SRGAP1: variants seen among roughly 807,000 people sequenced by gnomAD.
The protein encoded by SRGAP1 is SLIT-ROBO Rho GTPase-activating protein 1.
SRGAP1 carries 43 observed loss-of-function variants against 121.9 expected under a neutral mutation model. That is an observed-to-expected ratio of 0.35 (90% CI 0.28 to 0.46). The LOEUF (loss-of-function observed/expected upper bound fraction) is 0.46, where lower values mean the gene tolerates loss of function less well. Among genes scored for constraint, SRGAP1 ranks in the 20% least tolerant of loss-of-function variants. SRGAP1 has a pLI of 1.00. For synonymous variants in SRGAP1, 447 were observed against 485.4 expected (o/e 0.92, Z 1.04); for missense variants, 1,102 against 1,350.9 (o/e 0.82, Z 2.89).
chr12:63,903,141 A>G (rs1431873080), intron 1 of SRGAP1, among the ~76,000 whole-genome samples: 1 of 152,128 alleles, frequency 6.6e-6, no homozygotes, highest in Non-Finnish European at 1.5e-5. Context: ...GCACGCTTTC[A>G]AGTAGAGAGA....
chr12:63,909,841 C>T (rs2030408333), intron 1 of SRGAP1, among the ~76,000 whole-genome samples: 1 of 152,270 alleles, frequency 6.6e-6, no homozygotes, highest in Non-Finnish European at 1.5e-5. Context: ...GGCATTGATG[C>T]TGCAGTCTGG....
At chr12:63,896,395 T>C (rs1200400104) in intron 1 of SRGAP1, among the ~76,000 whole-genome samples, 1 of 152,192 alleles carries the variant, frequency 6.6e-6, no homozygotes, top group Non-Finnish European at 1.5e-5. Context: ...TTCTTACCTA[T>C]AGTTGAACAA....
rs1003114044 is a variant in SRGAP1 at position 64,155,054 on chromosome 12, C to CT, written c.*12390dup. On this transcript the variant is annotated 3_prime_UTR_variant, in exon 22 of 22. Transcript: ENST00000355086. ...TATATATTTTTTTCTTTTTCTTTTTCTTTTTTTTGAGACAGAGTCTCACTC... is the reference window on the plus strand; with the variant it reads ...TATATATTTTTTTCTTTTTCTTTTTCTTTTTTTTTGAGACAGAGTCTCACTC... The CT allele has an allele frequency of 5.3e-5, 8 of 151,106 alleles. No individual in the cohort carries two copies. The highest frequency in any genetic ancestry group is 2.1e-4 in the South Asian group (1 of 4,758). 9.4% of individuals were successfully genotyped at this position (151,106 alleles called of 1,614,324 possible). A position where few individuals can be genotyped will look rare whatever the true frequency, so the allele number is the denominator to read the frequency against.
intron 1 of SRGAP1, among the ~76,000 whole-genome samples, chr12:63,911,987 A>G (rs2030522579): frequency 6.6e-6 from 1 of 152,182 alleles, no homozygotes; most frequent in Middle Eastern, 3.2e-3. Context: ...ATGTTGGAGA[A>G]ATAGTGGAGG....
intron 11 of SRGAP1, among the ~76,000 whole-genome samples, chr12:64,088,590 C>T (rs528333111): frequency 2.4e-4 from 36 of 152,310 alleles, no homozygotes; most frequent in Admixed American, 1.0e-3. Context: ...GAATGTTGAA[C>T]GTCCCTGGCT....
Position 64,095,214 on chromosome 12 carries a change from C to T in SRGAP1, c.1678+10C>T, listed in dbSNP as rs768047035. The T allele has an allele frequency of 7.4e-6, 12 of 1,612,064 alleles. No homozygotes were observed. Among genetic ancestry groups the T allele is most frequent in the Admixed American group, 3.3e-5 (2 of 59,920 alleles). On this transcript the variant is annotated intron_variant, in intron 14 of 21. Coordinates refer to ENST00000355086, the MANE Select transcript of SRGAP1 (RefSeq NM_020762.4). ...AATTCATTTGAGAGAGGTAATTGCA[C>T]GTCTATCCCTATAAGCAAACCACGT...
intron 1 of SRGAP1, among the ~76,000 whole-genome samples, chr12:63,925,301 GCAGA>G (rs1733820528): frequency 1.3e-5 from 2 of 152,126 alleles, no homozygotes; most frequent in South Asian, 4.2e-4. Context: ...TCTCATCAGG[GCAGA>G]CAAATGCTAA....
At chr12:64,129,511 A>G (rs1324067625) in intron 21 of SRGAP1, among the ~76,000 whole-genome samples, 1 of 152,176 alleles carries the variant, frequency 6.6e-6, no homozygotes, top group Non-Finnish European at 1.5e-5. Flanking sequence ...ACCCAGGAGT[A>G]ACACTTTGCA....
intron 1 of SRGAP1, among the ~76,000 whole-genome samples, chr12:63,869,579 C>A (rs557098323): frequency 6.6e-6 from 1 of 152,258 alleles, no homozygotes; most frequent in Non-Finnish European, 1.5e-5. Flanking sequence ...CACAAGTCTT[C>A]CATAACTTAA....
At chr12:63,896,794 A>G (rs956779791) in intron 1 of SRGAP1, among the ~76,000 whole-genome samples, 2 of 152,216 alleles carry the variant, frequency 1.3e-5, no homozygotes, top group Non-Finnish European at 2.9e-5. Flanking sequence ...CTTTAAGGCA[A>G]CATTTCCCAG....
intron 3 of SRGAP1, among the ~76,000 whole-genome samples, chr12:64,002,198 A>G (rs1412974071): frequency 3.3e-5 from 5 of 152,146 alleles, no homozygotes; most frequent in African/African-American, 1.2e-4. Context: ...ATGATCCCAA[A>G]TTTTTCATTT....
rs1565681392 is a variant in SRGAP1, at chr12:64,101,307, G to GT, written c.1813+3932_1813+3933insT. On this transcript the variant is annotated intron_variant, in intron 15 of 21. Coordinates refer to ENST00000355086, the MANE Select transcript of SRGAP1 (RefSeq NM_020762.4). Reference sequence around the variant, plus strand: ...GTATTTTTGGATTGTTTGGGGAAAGGGGTGTGTGTGTGTGTGTGTGTGTGT... The same window carrying GT: ...GTATTTTTGGATTGTTTGGGGAAAGGTGGTGTGTGTGTGTGTGTGTGTGTGT... 3.2e-4 allele frequency among the ~76,000 whole-genome samples: 45 copies of GT among 141,842 alleles called. No individual in the cohort carries two copies. In the East Asian group the frequency reaches 8.8e-3, roughly 28 times the overall value. 93.1% of individuals were successfully genotyped at this position (141,842 alleles called of 152,430 possible).
intron 1 of SRGAP1, among the ~76,000 whole-genome samples, chr12:63,868,055 TA>T (rs60109322): frequency 0.071 from 2,465 of 34,532 alleles, 50 homozygotes; most frequent in East Asian, 0.16. Flanking sequence ...TATATATATA[TA>T]TTTTTTTTTT....
rs944113854 is a variant in SRGAP1 at position 63,885,146 on chromosome 12, G to A, written c.67+40263G>A. 4.6e-5 allele frequency among the ~76,000 whole-genome samples: 7 copies of A among 152,058 alleles called. 1 individual carries two copies. The highest frequency in any genetic ancestry group is 1.0e-4 in the Non-Finnish European group (7 of 68,026). ...ACACAGAAGACTTCCGTGACCAAAT[G>A]TGTGAGAGTTTTTCCCCACCAACAA... On this transcript the variant is annotated intron_variant, in intron 1 of 21. Coordinates refer to ENST00000355086, the MANE Select transcript of SRGAP1 (RefSeq NM_020762.4).
Position 64,160,550 on chromosome 12 carries a change from A to G in SRGAP1, c.*17878A>G, listed in dbSNP as rs1172558220. On this transcript the variant is annotated 3_prime_UTR_variant, in exon 22 of 22. Transcript: ENST00000355086. Reference sequence around the variant, plus strand: ...CAATCAAAAGGCAAATATATCTCATATGTCGGAAGATTAATGTATGAATAA... The same window carrying G: ...CAATCAAAAGGCAAATATATCTCATGTGTCGGAAGATTAATGTATGAATAA... The G allele has an allele frequency of 6.6e-6, 1 of 152,172 alleles. No individual in the cohort carries two copies. The highest frequency in any genetic ancestry group is 2.4e-5 in the African/African-American group (1 of 41,434). 9.4% of individuals were successfully genotyped at this position (152,172 alleles called of 1,614,324 possible).
intron 1 of SRGAP1, among the ~76,000 whole-genome samples, chr12:63,960,952 T>C (rs1302691912): frequency 3.3e-5 from 5 of 152,210 alleles, no homozygotes; most frequent in Non-Finnish European, 7.3e-5. Context: ...TCTGGACTTC[T>C]GCACTCCAGA....
chr12:63,858,033 G>A (rs1204055393), intron 1 of SRGAP1, among the ~76,000 whole-genome samples: 1 of 152,108 alleles, frequency 6.6e-6, no homozygotes, highest in Non-Finnish European at 1.5e-5. Context: ...ATCATTAATA[G>A]GTGGTTGAAT....
intron 15 of SRGAP1, among the ~76,000 whole-genome samples, chr12:64,104,670 G>A (rs1007425202): frequency 1.2e-4 from 18 of 152,176 alleles, no homozygotes; most frequent in African/African-American, 2.2e-4. Flanking sequence ...AGTCCTGCTC[G>A]CAGCCATCAC....
intron 11 of SRGAP1, among the ~76,000 whole-genome samples, chr12:64,090,699 G>A (rs2036035226): frequency 6.6e-6 from 1 of 152,134 alleles, no homozygotes; most frequent in East Asian, 1.9e-4. Context: ...AATTAGCTGG[G>A]CATGATGGCA....
Sources: allele counts gnomAD v4.1 joint callset (sites outside exome capture counted in the v4.1 genomes callset), GRCh38; gene constraint gnomAD v4.1.1; transcripts MANE v1.5; gene names NCBI Gene and HGNC (gene_info 2026-07-23, HGNC 2026-07-21).